NRXN3: variants seen among roughly 807,000 people sequenced by gnomAD.
The protein encoded by NRXN3 is neurexin 3.
NRXN3 carries 32 observed loss-of-function variants against 137.6 expected under a neutral mutation model. The observed-to-expected ratio is 0.23, with a 90% CI of 0.18 to 0.31. NRXN3 has a LOEUF of 0.31. Among genes scored for constraint, NRXN3 ranks in the 10% least tolerant of loss-of-function variants. NRXN3 has a pLI of 1.00. For synonymous variants in NRXN3, 798 were observed against 784.5 expected (o/e 1.02, Z -0.29); for missense variants, 1,574 against 2,062.5 (o/e 0.76, Z 4.59).
chr14:79,210,310 C>T (rs2067453478), intron 15 of NRXN3, among the ~76,000 whole-genome samples: 1 of 152,164 alleles, frequency 6.6e-6, no homozygotes, highest in African/African-American at 2.4e-5. Flanking sequence ...GCTTGTTTCA[C>T]TAGGACAGAT....
At chr14:78,818,210 G>A (rs2098940125) in intron 10 of NRXN3, among the ~76,000 whole-genome samples, 1 of 151,936 alleles carries the variant, frequency 6.6e-6, no homozygotes, top group Admixed American at 6.6e-5. Context: ...CACAAAGAGT[G>A]AGAGAGAGAA....
chr14:78,638,678 T>C (rs572680817), intron 4 of NRXN3, among the ~76,000 whole-genome samples: 1 of 152,310 alleles, frequency 6.6e-6, no homozygotes, highest in African/African-American at 2.4e-5. Flanking sequence ...TAAGAGGCTC[T>C]TAGAGGTAGG....
chr14:78,326,633 G>GATT (rs1289507853), intron 4 of NRXN3, among the ~76,000 whole-genome samples: 2 of 152,190 alleles, frequency 1.3e-5, no homozygotes, highest in African/African-American at 2.4e-5. Context: ...AAGTTAACTA[G>GATT]GACATCCAGG....
At chr14:79,250,310 G>A (rs762664520) in intron 15 of NRXN3, among the ~76,000 whole-genome samples, 47 of 152,230 alleles carry the variant, frequency 3.1e-4, no homozygotes, top group Middle Eastern at 3.4e-3. Flanking sequence ...AACATGAAAG[G>A]TAGAGTTTGC....
At chr14:78,456,849 CTTTCTTTT>C (rs2094737510) in intron 4 of NRXN3, among the ~76,000 whole-genome samples, 1 of 131,912 alleles carries the variant, frequency 7.6e-6, no homozygotes, top group Non-Finnish European at 1.7e-5. Flanking sequence ...TTCTTTCTTT[CTTTCTTTT>C]TCTCTTTCTT....
At chr14:79,751,757 A>G (rs1433091997) in intron 19 of NRXN3, among the ~76,000 whole-genome samples, 44 of 151,502 alleles carry the variant, frequency 2.9e-4, no homozygotes, top group Middle Eastern at 3.4e-3. Context: ...TCAATACCTA[A>G]TTTATTGAGA....
rs553773643 is a variant in NRXN3 at position 78,483,887 on chromosome 14, T to A, written c.758-161233T>A. On this transcript the variant is annotated intron_variant, in intron 4 of 20. Coordinates refer to ENST00000335750, the MANE Select transcript of NRXN3 (RefSeq NM_001330195.2). The stretch of plus-strand genomic sequence containing the variant: ...TATGGCAGTTTTAGCTCATGGCTTA[T>A]GTTAGCTAGACTGCTGGTTCGATTT... 2.0e-5 allele frequency among the ~76,000 whole-genome samples: 3 copies of A among 152,176 alleles called. No individual in the cohort carries two copies. In the East Asian group the frequency reaches 5.8e-4, roughly 29 times the overall value.
chr14:78,591,566 ACT>A (rs2097116927), intron 4 of NRXN3, among the ~76,000 whole-genome samples: 1 of 151,550 alleles, frequency 6.6e-6, no homozygotes, highest in South Asian at 2.1e-4. Context: ...AACTAGAAAG[ACT>A]CTCCCTGGTT....
At chr14:78,805,109 C>T (rs1180907493) in intron 9 of NRXN3, among the ~76,000 whole-genome samples, 1 of 152,050 alleles carries the variant, frequency 6.6e-6, no homozygotes, top group Non-Finnish European at 1.5e-5. Flanking sequence ...CATCATAAAC[C>T]TAAAATCTCT....
intron 4 of NRXN3, among the ~76,000 whole-genome samples, chr14:78,324,901 G>A (rs1044571645): frequency 1.3e-5 from 2 of 151,748 alleles, no homozygotes; most frequent in Non-Finnish European, 2.9e-5. Flanking sequence ...ACCCAATTTG[G>A]CCATCATCAC....
At chr14:78,664,695 C>G (rs1171877467) in intron 6 of NRXN3, among the ~76,000 whole-genome samples, 2 of 152,158 alleles carry the variant, frequency 1.3e-5, no homozygotes, top group African/African-American at 4.8e-5. Flanking sequence ...TTCAAAACTT[C>G]AATGCATTGC....
At chr14:78,758,225 T>G (rs1466814528) in intron 8 of NRXN3, among the ~76,000 whole-genome samples, 1 of 152,198 alleles carries the variant, frequency 6.6e-6, no homozygotes. Flanking sequence ...AGCCTCAGGT[T>G]TTTTAATCTG....
intron 8 of NRXN3, among the ~76,000 whole-genome samples, chr14:78,781,912 G>C (rs1382302829): frequency 6.6e-6 from 1 of 152,166 alleles, no homozygotes; most frequent in East Asian, 1.9e-4. Flanking sequence ...AGAATACTTT[G>C]CAAAATGGCT....
intron 16 of NRXN3, among the ~76,000 whole-genome samples, chr14:79,600,823 A>T (rs1230029842): frequency 6.6e-6 from 1 of 152,094 alleles, no homozygotes; most frequent in Non-Finnish European, 1.5e-5. Flanking sequence ...AGCAGGGAAT[A>T]GACAAGATGA....
intron 15 of NRXN3, among the ~76,000 whole-genome samples, chr14:79,358,595 G>A (rs1599116925): frequency 1.1e-5 from 1 of 91,256 alleles, no homozygotes; most frequent in Non-Finnish European, 2.3e-5. Context: ...GAGAAAGAAA[G>A]AAAGAAAGAA....
At chr14:78,752,284 G>A (rs1162772446) in intron 8 of NRXN3, among the ~76,000 whole-genome samples, 3 of 152,144 alleles carry the variant, frequency 2.0e-5, no homozygotes, top group Non-Finnish European at 2.9e-5. Context: ...GGGTATGGTG[G>A]CACATGCCCA....
chr14:79,772,295 C>T (rs1310840338), intron 19 of NRXN3, among the ~76,000 whole-genome samples: 3 of 151,734 alleles, frequency 2.0e-5, no homozygotes, highest in African/African-American at 2.4e-5. Context: ...TCATATGGAA[C>T]CAAAAAAGAG....
chr14:78,270,905 T>C (rs943481116), intron 2 of NRXN3, among the ~76,000 whole-genome samples: 2 of 152,188 alleles, frequency 1.3e-5, no homozygotes, highest in Non-Finnish European at 2.9e-5. Context: ...AAACACTAGG[T>C]GAAGGCAGAA....
At chr14:79,596,230 G>C (rs1428691077) in intron 16 of NRXN3, among the ~76,000 whole-genome samples, 1 of 152,064 alleles carries the variant, frequency 6.6e-6, no homozygotes, top group Non-Finnish European at 1.5e-5. Flanking sequence ...AGGTCATTAA[G>C]GGTTCAGCCT....
Sources: allele counts gnomAD v4.1 joint callset (sites outside exome capture counted in the v4.1 genomes callset), GRCh38; gene constraint gnomAD v4.1.1; transcripts MANE v1.5; gene names NCBI Gene and HGNC (gene_info 2026-07-23, HGNC 2026-07-21).